The following POMP variants were observed in gnomAD, a reference collection of about 807,000 sequenced individuals.
POMP encodes the protein 2510048O06Rik.
In POMP, 12 loss-of-function variants were observed where a neutral mutation model predicts 20.6. The ratio of observed to expected loss-of-function variants is 0.58; its 90% CI spans 0.37 to 0.94. The LOEUF (loss-of-function observed/expected upper bound fraction) is 0.94. Among genes scored for constraint, POMP ranks in the 40% least tolerant of loss-of-function variants. The pLI is 0.01. For missense variants in POMP, 136 were observed against 161.1 expected (o/e 0.84, Z 0.84); for synonymous variants, 53 against 55.0 (o/e 0.96, Z 0.16).
intron 4 of POMP, among the ~76,000 whole-genome samples, chr13:28,671,510 G>A (rs1437936487): frequency 6.7e-6 from 1 of 150,026 alleles, no homozygotes; most frequent in East Asian, 2.0e-4. Context: ...ATGTATAACA[G>A]CTGCCTGCTC....
At chr13:28,673,349 G>A (rs1003835790) in intron 5 of POMP, among the ~76,000 whole-genome samples, 2 of 152,144 alleles carry the variant, frequency 1.3e-5, no homozygotes, top group African/African-American at 2.4e-5. Flanking sequence ...GATTAGAGGC[G>A]TGAGCCACTG....
intron 2 of POMP, among the ~76,000 whole-genome samples, chr13:28,663,471 C>T (rs1003563942): frequency 1.2e-4 from 19 of 152,148 alleles, no homozygotes; most frequent in Admixed American, 4.6e-4. Flanking sequence ...CCACCATGCC[C>T]GGCTAATTTT....
intron 3 of POMP, among the ~76,000 whole-genome samples, chr13:28,665,349 A>G (rs1277322024): frequency 1.3e-5 from 2 of 152,206 alleles, no homozygotes; most frequent in Non-Finnish European, 2.9e-5. Flanking sequence ...TAATAAGAGG[A>G]TAGGTCTGCC....
chr13:28,672,402 G>A lies in POMP; in HGVS notation c.328G>A (p.Glu110Lys). Reference protein sequence around the residue: ...LSLDVLRGNDETIGFEDILND... With the variant: ...LSLDVLRGNDKTIGFEDILND... Reference sequence around the variant, plus strand: ...ACTGGATGTTTTGAGGGGTAATGATGAGACTATTGGATTTGAGGATATTCT... The same window carrying A: ...ACTGGATGTTTTGAGGGGTAATGATAAGACTATTGGATTTGAGGATATTCT... Residue 110 changes from glutamate (E) to lysine (K), a missense_variant, in exon 5 of 6, where the codon GAG (glutamate) becomes AAG (lysine). Transcript: ENST00000380842. 6.2e-7 allele frequency: 1 copy of A among 1,604,960 alleles called. No homozygotes were observed.
Position 28,662,409 on chromosome 13 carries a change from G to C in POMP, c.4-1G>C. 6.2e-7 allele frequency: 1 copy of C among 1,608,570 alleles called. No homozygotes were observed. The highest frequency in any genetic ancestry group is 8.5e-7 in the Non-Finnish European group (1 of 1,175,132). ...AATAATGTTTTTTATTTGTGTTGTA[G>C]AATGCCAGAGGACTTGGATCTGAGC... On this transcript the variant is annotated splice_acceptor_variant, in intron 1 of 5. Coordinates refer to ENST00000380842, the MANE Select transcript of POMP (RefSeq NM_015932.6). LOFTEE classifies it high-confidence loss of function.
At chr13:28,659,219 C>A in intron 1 of POMP, 32 bp downstream of exon 1, 1 of 1,580,540 alleles carries the variant, frequency 6.3e-7, no homozygotes, top group Non-Finnish European at 8.6e-7. Flanking sequence ...TGGAGTTCCA[C>A]GCGGGCTCGG....
At position 28,678,296 on chromosome 13, in the gene POMP, G is replaced by A; in HGVS notation, c.*194G>A. 1 of 598,420 alleles carries A rather than the reference G, an allele frequency of 1.7e-6. No individual in the cohort carries two copies. Among genetic ancestry groups the A allele is most frequent in the Non-Finnish European group, 3.0e-6 (1 of 335,096 alleles). 37.1% of individuals were successfully genotyped at this position (598,420 alleles called of 1,614,324 possible). ...ATTAAAAGCACTAAAGGGAGATCAT[G>A]TTAAAGCTCTTAATTTATATTAAAA... On this transcript the variant is annotated 3_prime_UTR_variant, in exon 6 of 6. Transcript: ENST00000380842.
chr13:28,673,093 T>C (rs1884577865), intron 5 of POMP, among the ~76,000 whole-genome samples: 1 of 149,134 alleles, frequency 6.7e-6, no homozygotes, highest in Non-Finnish European at 1.5e-5. Flanking sequence ...TTTTTCAAGA[T>C]GGAGTCTTGT....
intron 5 of POMP, among the ~76,000 whole-genome samples, chr13:28,675,756 C>T (rs527409116): frequency 6.6e-6 from 1 of 152,166 alleles, no homozygotes; most frequent in East Asian, 1.9e-4. Context: ...GTACAGGAAG[C>T]ATAGTGCTGG....
At chr13:28,672,665 G>C (rs1369500195) in intron 5 of POMP, among the ~76,000 whole-genome samples, 1 of 152,128 alleles carries the variant, frequency 6.6e-6, no homozygotes, top group African/African-American at 2.4e-5. Context: ...GGGAGGCCGG[G>C]GTGGGCAGAT....
In POMP at chr13:28,659,199, C is replaced by T. The variant is rs763058898; in HGVS notation, c.3+12C>T. ...AGCTGCGGAAGATGGTGAGTGGGTA[C>T]CCGGGCGGCTGGAGTTCCACGCGGG... On this transcript the variant is annotated intron_variant, in intron 1 of 5. Transcript: ENST00000380842. 8 of 1,589,338 alleles carry T rather than the reference C, an allele frequency of 5.0e-6. No homozygotes were observed. Among genetic ancestry groups the T allele is most frequent in the South Asian group, 2.3e-5 (2 of 87,472 alleles).
chr13:28,660,314 G>A (rs1884311065), intron 1 of POMP, among the ~76,000 whole-genome samples: 1 of 152,158 alleles, frequency 6.6e-6, no homozygotes, highest in South Asian at 2.1e-4. Context: ...CCATATTTGA[G>A]TACCAATACA....
At chr13:28,661,793 T>TC (rs1417274312) in intron 1 of POMP, among the ~76,000 whole-genome samples, 3 of 152,214 alleles carry the variant, frequency 2.0e-5, no homozygotes, top group Non-Finnish European at 4.4e-5. Flanking sequence ...TCCCTTTTTT[T>TC]CCCAGCTTCT....
intron 4 of POMP, 67 bp downstream of exon 4, chr13:28,668,641 C>T: frequency 8.0e-7 from 1 of 1,254,340 alleles, no homozygotes; most frequent in Middle Eastern, 1.9e-4. Flanking sequence ...GTTTTCATAA[C>T]AGCTATTTAT....
At chr13:28,659,851 C>T (rs1022218772) in intron 1 of POMP, 1 of 152,538 alleles carries the variant, frequency 6.6e-6, no homozygotes, top group Non-Finnish European at 1.5e-5. Context: ...CACTGAGTCA[C>T]CATTGCCACA....
intron 2 of POMP, among the ~76,000 whole-genome samples, chr13:28,664,044 A>C (rs1026152320): frequency 6.6e-6 from 1 of 152,204 alleles, no homozygotes; most frequent in Non-Finnish European, 1.5e-5. Context: ...TACTTTATAC[A>C]TAGTAGGTGT....
intron 3 of POMP, 138 bp from the exon 4 acceptor site, chr13:28,668,335 G>A: frequency 1.5e-6 from 1 of 648,250 alleles, no homozygotes; most frequent in Non-Finnish European, 2.7e-6. Context: ...GAAAAAATTA[G>A]TAAAAATACT....
chr13:28,662,530 T>G, intron 2 of POMP, 23 bp downstream of exon 2: 1 of 1,541,546 alleles, frequency 6.5e-7, no homozygotes, highest in South Asian at 1.1e-5. Flanking sequence ...GTTATGACTT[T>G]GATTTTGTTA....
chr13:28,672,327 T>A lies in POMP; in HGVS notation c.265-12T>A. 6.3e-7 allele frequency: 1 copy of A among 1,576,818 alleles called. No homozygotes were observed. Among genetic ancestry groups the A allele is most frequent in the Non-Finnish European group, 8.7e-7 (1 of 1,146,246 alleles). ...TTTTTCTAATCTTGTCCCTTCATAC[T>A]TTTCCCCAAAGGTTCAGCGTCTTCC... On this transcript the variant is annotated splice_polypyrimidine_tract_variant and intron_variant, in intron 4 of 5. Transcript: ENST00000380842.
Sources: gnomAD v4.1 joint callset for allele counts (sites outside exome capture counted in the v4.1 genomes callset) on GRCh38, gnomAD v4.1.1 for gene constraint, MANE v1.5 for transcripts, NCBI Gene and HGNC (gene_info 2026-07-23, HGNC 2026-07-21) for gene names.